Variants in LHPP observed in about 807,000 individuals in gnomAD.
LHPP encodes hLHPP.
Under a neutral mutation model 30.3 loss-of-function variants are expected in LHPP, and 24 were observed. The observed-to-expected ratio is 0.79, with a 90% CI of 0.57 to 1.11. The LOEUF is 1.11. LHPP is among the 50% of genes most tolerant of loss of function. The pLI, the probability that LHPP is intolerant of heterozygous loss-of-function variation, is 0.00. For synonymous variants in LHPP, 150 were observed against 157.1 expected, an observed-to-expected ratio of 0.95 and a Z score of 0.34; for missense variants, 356 against 367.2, an observed-to-expected ratio of 0.97 and a Z score of 0.25.
intron 1 of LHPP, among the ~76,000 whole-genome samples, chr10:124,468,771 C>A (rs946302051): frequency 6.6e-6 from 1 of 152,202 alleles, no homozygotes; most frequent in African/African-American, 2.4e-5. Flanking sequence ...AAGGGCAAGG[C>A]CCCTCCACTC....
intron 6 of LHPP, among the ~76,000 whole-genome samples, chr10:124,525,964 A>T (rs1954721443): frequency 6.6e-6 from 1 of 152,112 alleles, no homozygotes. Flanking sequence ...GGAGGCCGGG[A>T]GGTGGCTGCA....
chr10:124,534,386 C>A (rs544911003), intron 6 of LHPP, among the ~76,000 whole-genome samples: 80 of 152,326 alleles, frequency 5.3e-4, no homozygotes, highest in Non-Finnish European at 1.0e-3. Context: ...AGAGAGCCAA[C>A]GGCAGGAAGA....
chr10:124,492,341 G>C (rs1953558969), intron 3 of LHPP, among the ~76,000 whole-genome samples: 1 of 152,204 alleles, frequency 6.6e-6, no homozygotes, highest in Non-Finnish European at 1.5e-5. Flanking sequence ...TGTAGTCAGG[G>C]TTCCTCAGAG....
intron 1 of LHPP, among the ~76,000 whole-genome samples, chr10:124,474,385 C>T (rs1034750457): frequency 6.6e-5 from 10 of 152,018 alleles, no homozygotes; most frequent in African/African-American, 2.2e-4. Flanking sequence ...ACGGATCTGC[C>T]CACCTCAGTC....
chr10:124,498,942 C>T (rs1271170222), intron 5 of LHPP, among the ~76,000 whole-genome samples: 1 of 148,834 alleles, frequency 6.7e-6, no homozygotes, highest in Non-Finnish European at 1.5e-5. Context: ...AGTGCAGTGG[C>T]GCTGTCTCGG....
chr10:124,508,732 C>G (rs549358781), intron 5 of LHPP, among the ~76,000 whole-genome samples: 9 of 152,236 alleles, frequency 5.9e-5, no homozygotes, highest in African/African-American at 2.2e-4. Flanking sequence ...ACTCATTTCA[C>G]CAGCCCAGAA....
At chr10:124,548,760 G>A (rs564616035) in intron 6 of LHPP, among the ~76,000 whole-genome samples, 4 of 152,326 alleles carry the variant, frequency 2.6e-5, no homozygotes, top group Admixed American at 6.5e-5. Flanking sequence ...CGAGGGACAG[G>A]TTGGCTGATC....
In LHPP at chr10:124,585,011, C is replaced by G. The variant is rs182726669; in HGVS notation, c.717-28253C>G. Among the ~76,000 whole-genome samples, 3 of 152,260 alleles carry G rather than the reference C, an allele frequency of 2.0e-5. No individual in the cohort carries two copies. The East Asian group carries it at 5.8e-4, about 29-fold the overall frequency. On this transcript the variant is annotated intron_variant, in intron 6 of 6. Coordinates refer to ENST00000368842, the MANE Select transcript of LHPP (RefSeq NM_022126.4). ...TATGTGTCTAAGCATATATGAAACA[C>G]AAATTTTATGTTTAGATTTGGGTCC...
At chr10:124,556,477 C>T (rs1236966413) in intron 6 of LHPP, among the ~76,000 whole-genome samples, 1 of 152,236 alleles carries the variant, frequency 6.6e-6, no homozygotes, top group African/African-American at 2.4e-5. Flanking sequence ...AACCCAACTG[C>T]ATTGCTCATC....
At chr10:124,607,747 C>A (rs552661947) in intron 6 of LHPP, among the ~76,000 whole-genome samples, 1 of 152,292 alleles carries the variant, frequency 6.6e-6, no homozygotes, top group South Asian at 2.1e-4. Flanking sequence ...TTTTGTTCCG[C>A]TTCGGGCAAC....
chr10:124,540,885 G>T (rs925260697), intron 6 of LHPP, among the ~76,000 whole-genome samples: 1 of 152,150 alleles, frequency 6.6e-6, no homozygotes, highest in African/African-American at 2.4e-5. Flanking sequence ...TTCTTTAGCA[G>T]GTTCTGGACA....
chr10:124,586,497 G>A (rs937618800), intron 6 of LHPP, among the ~76,000 whole-genome samples: 3 of 152,214 alleles, frequency 2.0e-5, no homozygotes, highest in Non-Finnish European at 4.4e-5. Flanking sequence ...GATTTGTGGG[G>A]AAGACACAAA....
Position 124,461,969 on chromosome 10 carries a change from CGGTGGAGGCGGTGGCCA to C in LHPP, c.112_125+3del. ...GGCGGCGGCACGGCCATCGCCGGCT[CGGTGGAGGCGGTGGCCA>C]GGTGAGTGGGCCCCGGGACGCCGCT... On this transcript the variant is annotated frameshift_variant and splice_region_variant, in exon 1 of 7. Coordinates refer to ENST00000368842, the MANE Select transcript of LHPP (RefSeq NM_022126.4). LOFTEE classifies it high-confidence loss of function. 2 of 1,219,692 alleles carry C rather than the reference CGGTGGAGGCGGTGGCCA, an allele frequency of 1.6e-6. No individual in the cohort carries two copies. Among genetic ancestry groups the C allele is most frequent in the Non-Finnish European group, 2.0e-6 (2 of 977,106 alleles). 75.6% of individuals were successfully genotyped at this position (1,219,692 alleles called of 1,614,324 possible). A position where few individuals can be genotyped will look rare whatever the true frequency, so the allele number is the denominator to read the frequency against.
chr10:124,521,838 G>A (rs145449453), intron 6 of LHPP, among the ~76,000 whole-genome samples: 327 of 152,178 alleles, frequency 2.1e-3, no homozygotes, highest in Non-Finnish European at 4.1e-3. Flanking sequence ...CTTCTAGTAC[G>A]GAGCACGCAC....
intron 6 of LHPP, chr10:124,612,788 C>G (rs1589722567): frequency 6.3e-6 from 1 of 158,328 alleles, no homozygotes; most frequent in Non-Finnish European, 1.4e-5. Flanking sequence ...GACATGCGGG[C>G]CCCCAGCGTT....
intron 6 of LHPP, among the ~76,000 whole-genome samples, chr10:124,589,227 T>C (rs962648918): frequency 6.6e-6 from 1 of 152,266 alleles, no homozygotes; most frequent in Non-Finnish European, 1.5e-5. Flanking sequence ...TCAGAGCTTA[T>C]AGCACCTCCT....
chr10:124,552,461 C>T (rs1948186500), intron 6 of LHPP, among the ~76,000 whole-genome samples: 1 of 152,144 alleles, frequency 6.6e-6, no homozygotes, highest in African/African-American at 2.4e-5. Context: ...TCTAAAGAAG[C>T]ACCTGCCCCT....
intron 6 of LHPP, among the ~76,000 whole-genome samples, chr10:124,538,243 T>C (rs1955087747): frequency 6.6e-6 from 1 of 152,066 alleles, no homozygotes; most frequent in South Asian, 2.1e-4. Flanking sequence ...CTTCAGGAGC[T>C]TGCTGAGCAC....
intron 1 of LHPP, among the ~76,000 whole-genome samples, chr10:124,474,969 AC>A (rs1952895907): frequency 1.3e-5 from 2 of 149,540 alleles, no homozygotes; most frequent in Admixed American, 1.3e-4. Context: ...TGTCATTGTC[AC>A]CACCACAGCA....
Sources: gnomAD v4.1 joint callset for allele counts (sites outside exome capture counted in the v4.1 genomes callset) on GRCh38, gnomAD v4.1.1 for gene constraint, MANE v1.5 for transcripts, NCBI Gene and HGNC (gene_info 2026-07-23, HGNC 2026-07-21) for gene names.